ABCA13: variants seen among roughly 807,000 people sequenced by gnomAD.
ABCA13 encodes ATP binding cassette subfamily A member 13.
Under a neutral mutation model 478.7 loss-of-function variants are expected in ABCA13, and 476 were observed. That is an observed-to-expected ratio of 0.99 (90% CI 0.92 to 1.07). The LOEUF (loss-of-function observed/expected upper bound fraction) is 1.07, where lower values mean the gene tolerates loss of function less well. Among genes scored for constraint, ABCA13 ranks in the 50% least tolerant of loss-of-function variants. The pLI is 0.00. For missense variants in ABCA13, 6,060 were observed against 5,910.6 expected (o/e 1.03, Z -0.83); for synonymous variants, 2,252 against 2,158.9 (o/e 1.04, Z -1.20).
At chr7:48,555,401 A>T (rs1408300254) in intron 55 of ABCA13, among the ~76,000 whole-genome samples, 2 of 151,816 alleles carry the variant, frequency 1.3e-5, no homozygotes, top group African/African-American at 2.4e-5. Context: ...TTTGAGTAGG[A>T]TTGGTATTAA....
chr7:48,645,342 A>G, intron 61 of ABCA13, 75 bp from the exon 62 acceptor site: 1 of 1,192,980 alleles, frequency 8.4e-7, no homozygotes, highest in Non-Finnish European at 1.2e-6. Context: ...TTCTGAGACA[A>G]TGTCTCCTTT....
rs1298474054 is a variant in ABCA13, at chr7:48,636,337, A to G, written c.14838-6951A>G. On this transcript the variant is annotated intron_variant, in intron 59 of 61. Coordinates refer to ENST00000435803, the MANE Select transcript of ABCA13 (RefSeq NM_152701.5). Reference sequence around the variant, plus strand: ...AAGCAGATCCCAGTTAGTACTTTCTATGTTATAGCTCCTCTAGTTTGTAAT... The same window carrying G: ...AAGCAGATCCCAGTTAGTACTTTCTGTGTTATAGCTCCTCTAGTTTGTAAT... Among the ~76,000 whole-genome samples the G allele has an allele frequency of 7.9e-5, 12 of 151,780 alleles. No individual in the cohort carries two copies. The East Asian group carries it at 1.9e-3, about 24-fold the overall frequency.
chr7:48,381,650 T>C (rs1814409162), intron 35 of ABCA13, among the ~76,000 whole-genome samples: 1 of 152,172 alleles, frequency 6.6e-6, no homozygotes, highest in South Asian at 2.1e-4. Context: ...TTTTATATGC[T>C]TCCAATTAAA....
intron 31 of ABCA13, among the ~76,000 whole-genome samples, chr7:48,366,483 C>T (rs1271438437): frequency 2.0e-5 from 3 of 151,976 alleles, no homozygotes; most frequent in South Asian, 2.1e-4. Flanking sequence ...ACAGAATACC[C>T]GAGACTGGGT....
At chr7:48,229,351 A>G (rs1788713684) in intron 6 of ABCA13, among the ~76,000 whole-genome samples, 1 of 152,210 alleles carries the variant, frequency 6.6e-6, no homozygotes, top group South Asian at 2.1e-4. Context: ...TCAGATCCAT[A>G]GGTTAAGACA....
intron 55 of ABCA13, among the ~76,000 whole-genome samples, chr7:48,556,589 T>C (rs1400175803): frequency 1.3e-5 from 2 of 152,074 alleles, no homozygotes; most frequent in Non-Finnish European, 2.9e-5. Context: ...GATTTTGTCT[T>C]GAAATCCATT....
intron 55 of ABCA13, among the ~76,000 whole-genome samples, chr7:48,528,628 C>T (rs1157026879): frequency 6.6e-6 from 1 of 152,126 alleles, no homozygotes; most frequent in African/African-American, 2.4e-5. Context: ...TGCCCAGCTC[C>T]TCTCTGCAGA....
chr7:48,464,586 ATG>A (rs1346231622), intron 43 of ABCA13, among the ~76,000 whole-genome samples: 1 of 152,246 alleles, frequency 6.6e-6, no homozygotes, highest in African/African-American at 2.4e-5. Context: ...TACTAATTTA[ATG>A]TAATGAGTTG....
chr7:48,389,744 T>C (rs910574278), intron 37 of ABCA13, among the ~76,000 whole-genome samples: 2 of 152,246 alleles, frequency 1.3e-5, no homozygotes, highest in African/African-American at 4.8e-5. Context: ...AATCAAATCA[T>C]GTGCTCCCAG....
rs745515889 is a variant in ABCA13 at position 48,275,914 on chromosome 7, A to G, written c.6248A>G (p.Asn2083Ser). Residue 2083 changes from asparagine (N) to serine (S), a missense_variant, in exon 17 of 62, where the codon AAC (asparagine) becomes AGC (serine). By Grantham distance (46) the Asn-to-Ser change is conservative. This residue lies in a region of ABCA13 where 4,423 missense variants were observed against 4,309.1 expected (regional missense o/e 1.03). Coordinates refer to ENST00000435803, the MANE Select transcript of ABCA13 (RefSeq NM_152701.5). Reference sequence around the variant, plus strand: ...ATCAGACACCTGCTTTCTGAAATGAACAAAGGAATCAAAAGTATAAATTCA... The same window carrying G: ...ATCAGACACCTGCTTTCTGAAATGAGCAAAGGAATCAAAAGTATAAATTCA... ...FRIRHLLSEM[N>S]KGIKSINSMA... 2 of 1,613,614 alleles carry G rather than the reference A, an allele frequency of 1.2e-6. No homozygotes were observed. Among genetic ancestry groups the G allele is most frequent in the African/African-American group, 1.3e-5 (1 of 74,948 alleles).
intron 30 of ABCA13, among the ~76,000 whole-genome samples, 189 bp from the exon 31 acceptor site, chr7:48,351,992 G>A (rs1033541000): frequency 1.3e-5 from 2 of 152,194 alleles, no homozygotes; most frequent in Non-Finnish European, 2.9e-5. Context: ...TCTTGGTTTA[G>A]GCTTACCACC....
chr7:48,232,139 A>ATTTTGTTTTTTTTTTTTT (rs551497662), intron 7 of ABCA13, among the ~76,000 whole-genome samples: 1 of 51,318 alleles, frequency 1.9e-5, no homozygotes, highest in Non-Finnish European at 3.6e-5. Context: ...CCCACATGGA[A>ATTTTGTTTTTTTTTTTTT]TTTTTTTTTT....
In ABCA13 at chr7:48,279,068, T is replaced by G. The variant is rs1269443013; in HGVS notation, c.7874T>G (p.Met2625Arg). The G allele has an allele frequency of 3.7e-6, 6 of 1,612,956 alleles. No homozygotes were observed. Among genetic ancestry groups the G allele is most frequent in the Non-Finnish European group, 5.1e-6 (6 of 1,179,804 alleles). ...FSMSPSILSYMNQSKDFSDIL... is the reference protein window; with the variant it reads ...FSMSPSILSYRNQSKDFSDIL... ...ATGTCACCTAGCATACTCTCATATATGAACCAATCTAAGGACTTTTCTGAT... is the reference window on the plus strand; with the variant it reads ...ATGTCACCTAGCATACTCTCATATAGGAACCAATCTAAGGACTTTTCTGAT... Residue 2625 changes from methionine (M) to arginine (R), a missense_variant, in exon 18 of 62, where the codon ATG becomes AGG. Physicochemically the swap from Met to Arg is moderately conservative, Grantham distance 91. This residue lies in a region of ABCA13 where 4,423 missense variants were observed against 4,309.1 expected (regional missense o/e 1.03). Transcript: ENST00000435803.
intron 43 of ABCA13, among the ~76,000 whole-genome samples, chr7:48,458,430 C>T (rs1240495735): frequency 1.3e-5 from 2 of 152,192 alleles, no homozygotes; most frequent in African/African-American, 4.8e-5. Context: ...TCTCTTTCTC[C>T]TTAGGGTAAC....
chr7:48,314,522 A>G, intron 26 of ABCA13, 113 bp downstream of exon 26: 1 of 1,002,946 alleles, frequency 1.0e-6, no homozygotes, highest in Non-Finnish European at 1.4e-6. Flanking sequence ...ATACTGGCAT[A>G]GAATCTTCTG....
At position 48,389,156 on chromosome 7, in the gene ABCA13, A is replaced by T; in HGVS notation, c.11590A>T (p.Thr3864Ser). ...HKAVVQDLSL[T>S]FYRDQITALL... is the part of the protein sequence containing the mutation. ...GGCTGTGGTCCAAGACCTCAGCCTG[A>T]CCTTCTACAGAGACCAAATCACCGC... is the stretch of plus-strand genomic sequence containing the variant. The change falls in exon 37 of 62, where the codon ACC becomes TCC. Residue 3864 changes from threonine to serine, a missense_variant. Around this residue, in one of 3 missense-constraint regions of ABCA13, gnomAD observed 1,627 missense variants for 1,571.0 expected, o/e 1.04. Coordinates refer to ENST00000435803, the MANE Select transcript of ABCA13 (RefSeq NM_152701.5). The T allele has an allele frequency of 6.2e-7, 1 of 1,613,994 alleles. No individual in the cohort carries two copies. Among genetic ancestry groups the T allele is most frequent in the East Asian group, 2.2e-5 (1 of 44,880 alleles).
At chr7:48,608,621 C>G (rs1791713120) in intron 58 of ABCA13, among the ~76,000 whole-genome samples, 1 of 152,226 alleles carries the variant, frequency 6.6e-6, no homozygotes, top group South Asian at 2.1e-4. Flanking sequence ...CCCAATGGTC[C>G]AAATTGTTTG....
intron 55 of ABCA13, among the ~76,000 whole-genome samples, chr7:48,548,256 G>A (rs1215532203): frequency 6.6e-6 from 1 of 151,706 alleles, no homozygotes; most frequent in Non-Finnish European, 1.5e-5. Context: ...AAATCATCTT[G>A]GGTACAGTCT....
chr7:48,582,082 C>T (rs1788759831), intron 56 of ABCA13, among the ~76,000 whole-genome samples: 2 of 152,160 alleles, frequency 1.3e-5, no homozygotes, highest in African/African-American at 4.8e-5. Context: ...ATTTTACAAA[C>T]TGAGAAATTA....
Sources: allele counts gnomAD v4.1 joint callset (sites outside exome capture counted in the v4.1 genomes callset), GRCh38; gene constraint gnomAD v4.1.1; regional missense constraint gnomAD v4.1.1; transcripts MANE v1.5; gene names NCBI Gene and HGNC (gene_info 2026-07-23, HGNC 2026-07-21).